Variants in CDH4 observed in about 807,000 individuals in gnomAD.
The protein encoded by CDH4 is cadherin 4.
In CDH4, 33 loss-of-function variants were observed where a neutral mutation model predicts 86.0. The observed-to-expected ratio is 0.38, with a 90% CI of 0.29 to 0.51. The LOEUF (loss-of-function observed/expected upper bound fraction) is 0.51, where lower values mean the gene tolerates loss of function less well. CDH4 is among the 20% of genes least tolerant of loss of function. The pLI, the probability that CDH4 is intolerant of heterozygous loss-of-function variation, is 0.86. For missense variants in CDH4, 1,114 were observed against 1,307.4 expected, an observed-to-expected ratio of 0.85 and a Z score of 2.28; for synonymous variants, 555 against 549.4, an observed-to-expected ratio of 1.01 and a Z score of -0.14.
chr20:61,598,933 C>T (rs189885819), intron 2 of CDH4, among the ~76,000 whole-genome samples: 2 of 152,316 alleles, frequency 1.3e-5, no homozygotes, highest in Admixed American at 1.3e-4. Flanking sequence ...CAGTGAGGGT[C>T]GCCTTTTTTA....
chr20:61,918,455 G>A (rs560605473), intron 9 of CDH4, among the ~76,000 whole-genome samples: 1 of 152,318 alleles, frequency 6.6e-6, no homozygotes, highest in East Asian at 1.9e-4. Flanking sequence ...CACTGGCGCT[G>A]TGCTGGACGC....
chr20:61,877,356 ACCCACCC>A (rs144411835), intron 7 of CDH4, among the ~76,000 whole-genome samples: 5 of 128,630 alleles, frequency 3.9e-5, no homozygotes, highest in African/African-American at 8.6e-5. Flanking sequence ...ACAGAGCGGT[ACCCACCC>A]CCCACCCCCC....
At position 61,773,047 on chromosome 20, in the gene CDH4, T is replaced by G. The variant is rs765459270; in HGVS notation, c.441T>G (p.Pro147=). 5 of 1,613,688 alleles carry G rather than the reference T, an allele frequency of 3.1e-6. No homozygotes were observed. In the Admixed American group the frequency reaches 5.0e-5, roughly 16 times the overall value. ...KKVVALDPSP[P]PKDTLLPWPQ... ...TCGTGGCTCTGGACCCCTCTCCGCC[T>G]CCGAAGGACACCCTGCTGCCGTGGC... is the stretch of plus-strand genomic sequence containing the variant. The change falls in exon 4 of 16, where the codon CCT becomes CCG. Residue 147 remains proline, a synonymous_variant. Coordinates refer to ENST00000614565, the MANE Select transcript of CDH4 (RefSeq NM_001794.5).
At chr20:61,872,581 G>A (rs755996374) in intron 6 of CDH4, among the ~76,000 whole-genome samples, 16 of 152,228 alleles carry the variant, frequency 1.1e-4, no homozygotes, top group Non-Finnish European at 1.5e-4. Context: ...CATCCCCAGG[G>A]CCCAGCAGGG....
chr20:61,268,166 T>C (rs928090319), intron 2 of CDH4, among the ~76,000 whole-genome samples: 8 of 152,200 alleles, frequency 5.3e-5, no homozygotes, highest in African/African-American at 9.6e-5. Flanking sequence ...GTGCCTGGAA[T>C]GGGAGCGGGC....
intron 2 of CDH4, among the ~76,000 whole-genome samples, chr20:61,339,184 T>A (rs1244517279): frequency 1.3e-5 from 2 of 152,172 alleles, no homozygotes; most frequent in Non-Finnish European, 2.9e-5. Context: ...AACACTATAT[T>A]TTATTTTTGT....
intron 3 of CDH4, among the ~76,000 whole-genome samples, chr20:61,752,134 C>T (rs964856381): frequency 6.6e-6 from 1 of 152,134 alleles, no homozygotes; most frequent in Admixed American, 6.5e-5. Context: ...GAGTTCGAGA[C>T]CAGCCTGGCT....
chr20:61,644,850 G>A (rs908261159), intron 2 of CDH4, among the ~76,000 whole-genome samples: 3 of 152,254 alleles, frequency 2.0e-5, no homozygotes, highest in Non-Finnish European at 4.4e-5. Context: ...TGTCCAGCCT[G>A]CAGAAAACAC....
chr20:61,760,090 T>G (rs2088614753), intron 3 of CDH4, among the ~76,000 whole-genome samples: 1 of 151,512 alleles, frequency 6.6e-6, no homozygotes, highest in South Asian at 2.1e-4. Context: ...AGAACACACA[T>G]GCCACCTGCT....
intron 2 of CDH4, among the ~76,000 whole-genome samples, chr20:61,677,796 G>A (rs1345508439): frequency 1.9e-5 from 2 of 104,302 alleles, no homozygotes; most frequent in Non-Finnish European, 3.8e-5. Context: ...ATAGATACAT[G>A]GATGATGGAT....
chr20:61,458,122 G>A (rs894507694), intron 2 of CDH4, among the ~76,000 whole-genome samples: 3 of 149,784 alleles, frequency 2.0e-5, no homozygotes, highest in Non-Finnish European at 4.4e-5. Flanking sequence ...CAGTGCTGAT[G>A]GTGGTGGTGG....
rs1022275319 is a variant in CDH4, at chr20:61,357,986, G to A, written c.169+103049G>A. 4.6e-5 allele frequency among the ~76,000 whole-genome samples: 7 copies of A among 152,284 alleles called. No individual in the cohort carries two copies. The East Asian group carries it at 5.8e-4, about 13-fold the overall frequency. On this transcript the variant is annotated intron_variant, in intron 2 of 15. Coordinates refer to ENST00000614565, the MANE Select transcript of CDH4 (RefSeq NM_001794.5). The stretch of plus-strand genomic sequence containing the variant: ...AGGGCGTGGCGGGGAGAACGATGGC[G>A]TTTTTGTGTGTCATGTTCAAGATTT...
intron 2 of CDH4, among the ~76,000 whole-genome samples, chr20:61,312,162 T>C (rs999830160): frequency 6.7e-6 from 1 of 148,772 alleles, no homozygotes; most frequent in Admixed American, 6.7e-5. Context: ...GTGTGTTGTG[T>C]ATGCGTGTGG....
At chr20:61,599,295 G>C (rs574379038) in intron 2 of CDH4, among the ~76,000 whole-genome samples, 1 of 152,284 alleles carries the variant, frequency 6.6e-6, no homozygotes, top group East Asian at 1.9e-4. Context: ...GCCGGGTGTC[G>C]GACTGGGGAC....
At chr20:61,720,616 G>GGGGTGGAGAGTGCAT (rs1555830067) in intron 2 of CDH4, among the ~76,000 whole-genome samples, 1 of 34,710 alleles carries the variant, frequency 2.9e-5, no homozygotes, top group African/African-American at 2.3e-4. Context: ...GCAGCATGCA[G>GGGGTGGAGAGTGCAT]GGGTGCAGAG....
chr20:61,463,133 T>A (rs773593348), intron 2 of CDH4, among the ~76,000 whole-genome samples: 1 of 152,212 alleles, frequency 6.6e-6, no homozygotes, highest in African/African-American at 2.4e-5. Flanking sequence ...CCATGTAAGA[T>A]GTGCCTTTGC....
At chr20:61,300,295 G>A (rs1437395459) in intron 2 of CDH4, among the ~76,000 whole-genome samples, 1 of 152,150 alleles carries the variant, frequency 6.6e-6, no homozygotes, top group Non-Finnish European at 1.5e-5. Context: ...TGAAAAATGA[G>A]CAGGAGAAGG....
intron 2 of CDH4, among the ~76,000 whole-genome samples, chr20:61,446,860 T>G (rs975383342): frequency 1.3e-5 from 2 of 152,206 alleles, no homozygotes; most frequent in African/African-American, 4.8e-5. Flanking sequence ...TTGGCCAATT[T>G]GTTAGGGGAA....
At chr20:61,813,635 A>G (rs1980554808) in intron 4 of CDH4, among the ~76,000 whole-genome samples, 1 of 152,122 alleles carries the variant, frequency 6.6e-6, no homozygotes, top group South Asian at 2.1e-4. Context: ...AGGGCTGTGT[A>G]ATGGGGGCTC....
Sources: allele counts gnomAD v4.1 joint callset (sites outside exome capture counted in the v4.1 genomes callset), GRCh38; gene constraint gnomAD v4.1.1; transcripts MANE v1.5; gene names NCBI Gene and HGNC (gene_info 2026-07-23, HGNC 2026-07-21).